The following SYNPR variants were observed in gnomAD, a reference collection of about 807,000 sequenced individuals.
SYNPR encodes synaptoporin.
Under a neutral mutation model 32.9 loss-of-function variants are expected in SYNPR, and 23 were observed. That is an observed-to-expected ratio of 0.70 (90% CI 0.50 to 0.99). The LOEUF is 0.99. Ranked by LOEUF, SYNPR falls within the 50% of genes least tolerant of loss-of-function variation. SYNPR has a pLI of 0.00. For synonymous variants in SYNPR, 146 were observed against 135.9 expected, an observed-to-expected ratio of 1.07 and a Z score of -0.52; for missense variants, 318 against 349.3, an observed-to-expected ratio of 0.91 and a Z score of 0.71.
chr3:63,341,674 T>C (rs2087372277), intron 2 of SYNPR, among the ~76,000 whole-genome samples: 1 of 152,232 alleles, frequency 6.6e-6, no homozygotes, highest in South Asian at 2.1e-4. Context: ...TGAATGTTCA[T>C]ATCTTTTGCT....
intron 5 of SYNPR, among the ~76,000 whole-genome samples, chr3:63,612,913 CTCTCT>C (rs892334888): frequency 1.4e-5 from 2 of 143,254 alleles, no homozygotes; most frequent in Admixed American, 7.0e-5. Flanking sequence ...CTCTCCTCTC[CTCTCT>C]TCTCTTCTCC....
intron 3 of SYNPR, among the ~76,000 whole-genome samples, chr3:63,485,066 T>C (rs540515234): frequency 1.3e-5 from 2 of 152,280 alleles, no homozygotes; most frequent in Non-Finnish European, 1.5e-5. Flanking sequence ...GAATTCTCTA[T>C]CAGGGAGTTT....
intron 3 of SYNPR, among the ~76,000 whole-genome samples, chr3:63,514,046 T>A (rs938882636): frequency 6.6e-6 from 1 of 152,144 alleles, no homozygotes; most frequent in Admixed American, 6.6e-5. Context: ...ATGTTAGAAA[T>A]GCAGTGAGCA....
the SYNPR span, among the ~76,000 whole-genome samples, chr3:63,202,007 T>C: frequency 6.6e-6 from 1 of 152,274 alleles, no homozygotes; most frequent in Non-Finnish European, 1.5e-5. Flanking sequence ...TAACTATTAA[T>C]ATCTAGATTC....
chr3:63,480,756 A>G, intron 2 of SYNPR, 76 bp from the exon 3 acceptor site: 1 of 1,534,364 alleles, frequency 6.5e-7, no homozygotes, highest in South Asian at 1.3e-5. Context: ...CCAGACATTA[A>G]GCTCCTTTTG....
chr3:63,347,166 A>G (rs1256712824), intron 2 of SYNPR, among the ~76,000 whole-genome samples: 2 of 152,202 alleles, frequency 1.3e-5, no homozygotes, highest in African/African-American at 4.8e-5. Context: ...AAGTTTCTAA[A>G]TGACCCTAAG....
intron 3 of SYNPR, among the ~76,000 whole-genome samples, chr3:63,518,409 C>T (rs1701839376): frequency 6.6e-6 from 1 of 152,042 alleles, no homozygotes; most frequent in African/African-American, 2.4e-5. Flanking sequence ...TTTATGGGCT[C>T]TAACTGTGTC....
the SYNPR span, among the ~76,000 whole-genome samples, chr3:63,202,403 A>G: frequency 1.3e-5 from 2 of 152,172 alleles, no homozygotes; most frequent in Non-Finnish European, 2.9e-5. Context: ...GATCTCTCAA[A>G]TGATGCCCAG....
chr3:63,579,139 T>C (rs1020771403), intron 4 of SYNPR, among the ~76,000 whole-genome samples: 15 of 152,138 alleles, frequency 9.9e-5, no homozygotes, highest in Non-Finnish European at 1.6e-4. Context: ...GGGCAATATA[T>C]GTATATTTGT....
intron 2 of SYNPR, chr3:63,443,096 A>G: frequency 9.2e-7 from 1 of 1,084,518 alleles, no homozygotes; most frequent in South Asian, 3.3e-5. Flanking sequence ...CTGCACTTCC[A>G]GTTGTGAGCC....
At chr3:63,549,822 A>G (rs535685557) in intron 3 of SYNPR, among the ~76,000 whole-genome samples, 103 of 152,274 alleles carry the variant, frequency 6.8e-4, no homozygotes, top group Non-Finnish European at 9.0e-4. Context: ...AAACATTGGT[A>G]CATATTTTTT....
chr3:63,423,922 A>G (rs1423007914), intron 2 of SYNPR, among the ~76,000 whole-genome samples: 2 of 152,226 alleles, frequency 1.3e-5, no homozygotes, highest in African/African-American at 4.8e-5. Context: ...GAAAAATCCA[A>G]AGTGAGAGAC....
chr3:63,435,733 C>T (rs751253923), intron 2 of SYNPR, among the ~76,000 whole-genome samples: 8 of 152,188 alleles, frequency 5.3e-5, no homozygotes, highest in Non-Finnish European at 1.2e-4. Flanking sequence ...AATGTACCAT[C>T]TATATTCTCA....
At position 63,609,291 on chromosome 3, in the gene SYNPR, T is replaced by C. The variant is rs1700166205; in HGVS notation, c.575T>C (p.Val192Ala). 2.5e-6 allele frequency: 4 copies of C among 1,593,066 alleles called. No homozygotes were observed. Among genetic ancestry groups the C allele is most frequent in the African/African-American group, 2.7e-5 (2 of 74,658 alleles). The change falls in exon 5 of 6, where the codon GTT (valine) becomes GCT (alanine). Residue 192 changes from valine (V) to alanine (A), a missense_variant. Val to Ala is a moderately conservative substitution (Grantham distance 64, BLOSUM62 0). Coordinates refer to ENST00000478300, the MANE Select transcript of SYNPR (RefSeq NM_001130003.2). ...SNKCMAIHSP[V>A]MSSLNTSVVF... ...AAATGCATGGCTATCCACAGCCCTG[T>C]TATGTCAAGCTTAAACACTTCTGTG...
chr3:63,314,279 T>C (rs1407556575), intron 2 of SYNPR, among the ~76,000 whole-genome samples: 2 of 151,198 alleles, frequency 1.3e-5, no homozygotes, highest in Non-Finnish European at 3.0e-5. Context: ...TTCAGTTCTT[T>C]AGGCAATCTC....
chr3:63,369,870 T>G (rs899091737), intron 2 of SYNPR, among the ~76,000 whole-genome samples: 1 of 152,232 alleles, frequency 6.6e-6, no homozygotes, highest in Non-Finnish European at 1.5e-5. Context: ...TGAGGTTGAT[T>G]TGAGTTCATG....
chr3:63,486,484 C>A (rs1436584832), intron 3 of SYNPR, among the ~76,000 whole-genome samples: 1 of 152,120 alleles, frequency 6.6e-6, no homozygotes, highest in South Asian at 2.1e-4. Context: ...TCTTTTTTAC[C>A]TTTTCTGTCT....
intron 2 of SYNPR, among the ~76,000 whole-genome samples, chr3:63,329,862 G>T (rs1229705598): frequency 6.6e-6 from 1 of 152,082 alleles, no homozygotes; most frequent in African/African-American, 2.4e-5. Context: ...ACCCACAAAG[G>T]GGTCCTTTGC....
intron 2 of SYNPR, among the ~76,000 whole-genome samples, chr3:63,403,880 G>A (rs904978149): frequency 7.2e-5 from 11 of 152,180 alleles, no homozygotes; most frequent in Non-Finnish European, 1.5e-4. Context: ...AGAGGCTCTG[G>A]GAGCCATCCT....
Sources: gnomAD v4.1 joint callset for allele counts (sites outside exome capture counted in the v4.1 genomes callset) on GRCh38, gnomAD v4.1.1 for gene constraint, MANE v1.5 for transcripts, NCBI Gene and HGNC (gene_info 2026-07-23, HGNC 2026-07-21) for gene names.